Variants in CEP85L observed in about 807,000 individuals in gnomAD.
CEP85L encodes centrosomal protein of 85 kDa-like.
Under a neutral mutation model 100.3 loss-of-function variants are expected in CEP85L, and 60 were observed. That is an observed-to-expected ratio of 0.60 (90% CI 0.49 to 0.74). CEP85L has a LOEUF of 0.74. CEP85L is among the 30% of genes least tolerant of loss of function. CEP85L has a pLI of 0.00. For synonymous variants in CEP85L, 319 were observed against 322.7 expected, an observed-to-expected ratio of 0.99 and a Z score of 0.12; for missense variants, 973 against 936.2, an observed-to-expected ratio of 1.04 and a Z score of -0.51.
intron 3 of CEP85L, among the ~76,000 whole-genome samples, chr6:118,544,585 A>G (rs1019583468): frequency 6.8e-4 from 103 of 152,298 alleles, no homozygotes; most frequent in African/African-American, 2.4e-3. Context: ...GTAGACCTAT[A>G]TGAGTCCTTT....
intron 2 of CEP85L, among the ~76,000 whole-genome samples, chr6:118,617,803 A>G (rs1773166171): frequency 6.6e-6 from 1 of 152,146 alleles, no homozygotes; most frequent in Admixed American, 6.5e-5. Flanking sequence ...GTTACATCTT[A>G]GTGAGCCAGC....
At chr6:118,708,631 A>G (rs1271365971) in intron 1 of CEP85L, among the ~76,000 whole-genome samples, 1 of 152,202 alleles carries the variant, frequency 6.6e-6, no homozygotes, top group East Asian at 1.9e-4. Context: ...CACAGAACCT[A>G]CTCTTGAAAG....
chr6:118,584,249 C>A (rs1477346335), intron 2 of CEP85L, among the ~76,000 whole-genome samples: 1 of 152,190 alleles, frequency 6.6e-6, no homozygotes, highest in East Asian at 1.9e-4. Flanking sequence ...CAAGGCCCAG[C>A]TCTGCAAAAC....
chr6:118,549,598 A>G (rs1344815748), intron 3 of CEP85L, among the ~76,000 whole-genome samples: 1 of 151,844 alleles, frequency 6.6e-6, no homozygotes, highest in Non-Finnish European at 1.5e-5. Flanking sequence ...AAGACATAAA[A>G]AAACATAATT....
At chr6:118,504,004 C>T (rs897752592) in intron 5 of CEP85L, among the ~76,000 whole-genome samples, 2 of 152,082 alleles carry the variant, frequency 1.3e-5, no homozygotes, top group African/African-American at 4.8e-5. Context: ...AAACAAGCCA[C>T]AGACCAGGAG....
intron 10 of CEP85L, among the ~76,000 whole-genome samples, chr6:118,474,672 T>C (rs1249080590): frequency 5.3e-5 from 8 of 152,172 alleles, no homozygotes; most frequent in South Asian, 2.1e-4. Flanking sequence ...AAATTTGTCA[T>C]TGTCCCCACA....
At chr6:118,536,395 T>C (rs1453723075) in intron 3 of CEP85L, among the ~76,000 whole-genome samples, 1 of 152,170 alleles carries the variant, frequency 6.6e-6, no homozygotes, top group Non-Finnish European at 1.5e-5. Context: ...AGGGGAGATG[T>C]ATGTGGGTGT....
At chr6:118,521,174 T>C (rs73766535) in intron 4 of CEP85L, among the ~76,000 whole-genome samples, 4,274 of 152,320 alleles carry the variant, frequency 0.028, 207 homozygotes, top group African/African-American at 0.097. Flanking sequence ...TTCCATCCAA[T>C]TGGACACCAA....
intron 2 of CEP85L, among the ~76,000 whole-genome samples, chr6:118,628,925 A>T (rs930016485): frequency 1.3e-5 from 2 of 152,240 alleles, no homozygotes; most frequent in Non-Finnish European, 2.9e-5. Context: ...TCTGCAAAAG[A>T]CAATGCCAAG....
intron 6 of CEP85L, 71 bp downstream of exon 6, chr6:118,491,615 A>G: frequency 6.5e-7 from 1 of 1,549,924 alleles, no homozygotes; most frequent in African/African-American, 1.4e-5. Context: ...CTGACAGGGT[A>G]AATGACAGAC....
Position 118,537,809 on chromosome 6 carries a change from C to T in CEP85L, c.1021-13889G>A, listed in dbSNP as rs557303318. On this transcript the variant is annotated intron_variant, in intron 3 of 12. Coordinates refer to ENST00000368491, the MANE Select transcript of CEP85L (RefSeq NM_001042475.3). The stretch of plus-strand genomic sequence containing the variant: ...GCAATTCTTCAAGTTTGTTATCTCT[C>T]CTTCACTTGCCTTTGTCTCTGAGCT... The T allele has an allele frequency of 2.1e-5, 21 of 985,298 alleles. No homozygotes were observed. In the African/African-American group the frequency reaches 3.0e-4, roughly 14 times the overall value. The allele number at this position is 985,298 out of a possible 1,614,324, so 61.0% of individuals were successfully genotyped here.
intron 10 of CEP85L, among the ~76,000 whole-genome samples, chr6:118,478,643 T>C (rs1263374736): frequency 6.6e-6 from 1 of 152,186 alleles, no homozygotes; most frequent in Non-Finnish European, 1.5e-5. Context: ...CTCATTAATT[T>C]TACTTCAATT....
intron 1 of CEP85L, among the ~76,000 whole-genome samples, chr6:118,664,996 TCA>T (rs1776088727): frequency 6.6e-6 from 1 of 152,216 alleles, no homozygotes; most frequent in Admixed American, 6.5e-5. Context: ...TCCTTTACCA[TCA>T]CACATCACAC....
chr6:118,673,156 A>T (rs1477108467), intron 1 of CEP85L, among the ~76,000 whole-genome samples: 1 of 152,198 alleles, frequency 6.6e-6, no homozygotes, highest in African/African-American at 2.4e-5. Context: ...AACACAAAAT[A>T]AGAGTTAAAG....
chr6:118,645,420 T>C (rs937523522), intron 1 of CEP85L, among the ~76,000 whole-genome samples: 3 of 152,176 alleles, frequency 2.0e-5, no homozygotes, highest in Non-Finnish European at 4.4e-5. Flanking sequence ...ATGCCTGTCA[T>C]CCCAATACTT....
intron 2 of CEP85L, among the ~76,000 whole-genome samples, chr6:118,583,662 T>A (rs1355683699): frequency 6.6e-6 from 1 of 152,136 alleles, no homozygotes; most frequent in Non-Finnish European, 1.5e-5. Context: ...CCACTTCTTT[T>A]CCTAACCAGA....
At chr6:118,644,166 C>T (rs560238459) in intron 1 of CEP85L, among the ~76,000 whole-genome samples, 6 of 152,280 alleles carry the variant, frequency 3.9e-5, no homozygotes, top group East Asian at 1.9e-4. Flanking sequence ...GATGCATTTT[C>T]TTCTGACTCA....
intron 2 of CEP85L, among the ~76,000 whole-genome samples, chr6:118,600,062 A>G (rs2115167195): frequency 6.7e-6 from 1 of 149,768 alleles, no homozygotes; most frequent in South Asian, 2.1e-4. Flanking sequence ...TACATATAGG[A>G]GTCCACATTG....
Position 118,481,816 on chromosome 6 carries a change from T to G in CEP85L, c.1708A>C (p.Lys570Gln). 2 of 1,594,414 alleles carry G rather than the reference T, an allele frequency of 1.3e-6. No individual in the cohort carries two copies. The highest frequency in any genetic ancestry group is 1.4e-5 in the African/African-American group (1 of 73,904). The change falls in exon 8 of 13, where the codon AAA (lysine) becomes CAA (glutamine). Residue 570 changes from lysine to glutamine, a missense_variant. Physicochemically the swap from Lys to Gln is moderately conservative, Grantham distance 53. This residue lies in a region of CEP85L where 890 missense variants were observed against 844.5 expected (regional missense o/e 1.05). Coordinates refer to ENST00000368491, the MANE Select transcript of CEP85L (RefSeq NM_001042475.3). ...QDKETQLICQKKKEKELVTTV... is the reference protein window; with the variant it reads ...QDKETQLICQQKKEKELVTTV... Reference sequence around the variant, plus strand: ...GTTACTAACTCCTTTTCTTTCTTTTTCTGGCATATTAACTGTGTCTCTTTA... The same window carrying G: ...GTTACTAACTCCTTTTCTTTCTTTTGCTGGCATATTAACTGTGTCTCTTTA...
Sources: allele counts gnomAD v4.1 joint callset (sites outside exome capture counted in the v4.1 genomes callset), GRCh38; gene constraint gnomAD v4.1.1; regional missense constraint gnomAD v4.1.1; transcripts MANE v1.5; gene names NCBI Gene and HGNC (gene_info 2026-07-23, HGNC 2026-07-21).